PTPRU: variants seen among roughly 807,000 people sequenced by gnomAD.
PTPRU encodes the protein protein tyrosine phosphatase receptor type U, also known as receptor-type tyrosine-protein phosphatase U.
In PTPRU, 69 loss-of-function variants were observed where a neutral mutation model predicts 166.3. The observed-to-expected ratio is 0.41, with a 90% CI of 0.34 to 0.51. The LOEUF is 0.51. Ranked by LOEUF, PTPRU falls within the 20% of genes least tolerant of loss-of-function variation. The probability of loss-of-function intolerance (pLI) is 0.09; values close to 1 mark genes in which losing one functional copy is unlikely to be tolerated. For synonymous variants in PTPRU, 793 were observed against 814.0 expected (o/e 0.97, Z 0.44); for missense variants, 1,657 against 2,013.7 (o/e 0.82, Z 3.39).
At chr1:29,303,056 A>G (rs1687209307) in intron 15 of PTPRU, among the ~76,000 whole-genome samples, 1 of 152,204 alleles carries the variant, frequency 6.6e-6, no homozygotes, top group African/African-American at 2.4e-5. Context: ...CACAAAGACC[A>G]AATCACCTAA....
intron 15 of PTPRU, among the ~76,000 whole-genome samples, chr1:29,295,010 G>A (rs1369688472): frequency 6.8e-6 from 1 of 147,400 alleles, no homozygotes; most frequent in African/African-American, 2.4e-5. Context: ...CTTCATCAAG[G>A]ATGTCTTGGC....
At chr1:29,306,988 CCCGG>C (rs1687419966) in intron 18 of PTPRU, 1 of 949,928 alleles carries the variant, frequency 1.1e-6, no homozygotes, top group Non-Finnish European at 1.6e-6. Flanking sequence ...CTCAGCCCAG[CCCGG>C]CCTGCCCGTC....
Position 29,317,955 on chromosome 1 carries a change from C to A in PTPRU, c.3687+34C>A. ...TTGGGGTGGAGTGGGCTCTGGGGCT[C>A]CCCTTCCCAGCAGCATCAGGGAAGG... On this transcript the variant is annotated intron_variant, in intron 25 of 29. Transcript: ENST00000373779. The surrounding 1 kb of genome is among the most constrained non-coding windows in gnomAD (Gnocchi z 5.6). 6.2e-7 allele frequency: 1 copy of A among 1,608,582 alleles called. No homozygotes were observed. The highest frequency in any genetic ancestry group is 8.5e-7 in the Non-Finnish European group (1 of 1,177,212).
intron 15 of PTPRU, among the ~76,000 whole-genome samples, chr1:29,299,090 A>G (rs1202422877): frequency 1.3e-5 from 2 of 152,228 alleles, no homozygotes; most frequent in African/African-American, 4.8e-5. Flanking sequence ...AAGTGCCACC[A>G]CTGAGGGAGG....
chr1:29,272,781 C>T (rs1353916779), intron 7 of PTPRU, among the ~76,000 whole-genome samples: 1 of 151,584 alleles, frequency 6.6e-6, no homozygotes, highest in African/African-American at 2.4e-5. Context: ...GTGGTACGCA[C>T]CTGTAGTGCC....
intron 14 of PTPRU, among the ~76,000 whole-genome samples, chr1:29,290,839 G>T (rs994859362): frequency 2.0e-5 from 3 of 152,200 alleles, no homozygotes; most frequent in African/African-American, 7.2e-5. Context: ...AGCATTAGGT[G>T]TCCCTCCCGG....
rs766324490 is a variant in PTPRU, at chr1:29,320,833, C to A, written c.3828+8C>A. The A allele has an allele frequency of 1.3e-6, 2 of 1,561,854 alleles. No homozygotes were observed. Among genetic ancestry groups the A allele is most frequent in the Non-Finnish European group, 1.7e-6 (2 of 1,145,420 alleles). ...CAGTCCAACTCCGCCTGGGTGAGGC[C>A]TCCACTGGCCAGGCCAATGGGCCGC... On this transcript the variant is annotated splice_region_variant and intron_variant, in intron 26 of 29. Coordinates refer to ENST00000373779, the MANE Select transcript of PTPRU (RefSeq NM_133178.4). The surrounding 1 kb of genome is among the most constrained non-coding windows in gnomAD (Gnocchi z 5.2).
chr1:29,258,605 C>T lies in PTPRU; in HGVS notation c.306C>T (p.Phe102=), dbSNP rs753710925. ...LSENDTHCVQ[F]SYFLYSRDGH... is the part of the protein sequence containing the mutation. The stretch of plus-strand genomic sequence containing the variant: ...AGAATGATACCCACTGTGTGCAGTT[C>T]AGCTACTTCCTGTACAGCCGGGACG... Residue 102 remains phenylalanine (F), a synonymous_variant, in exon 3 of 30, where the codon TTC becomes TTT. Coordinates refer to ENST00000373779, the MANE Select transcript of PTPRU (RefSeq NM_133178.4). 1.9e-6 allele frequency: 3 copies of T among 1,614,272 alleles called. No individual in the cohort carries two copies. Among genetic ancestry groups the T allele is most frequent in the Admixed American group, 1.7e-5 (1 of 60,034 alleles).
Position 29,291,796 on chromosome 1 carries a change from G to T in PTPRU, c.2319-73G>T. The T allele has an allele frequency of 6.5e-7, 1 of 1,526,992 alleles. No homozygotes were observed. Among genetic ancestry groups the T allele is most frequent in the Non-Finnish European group, 8.9e-7 (1 of 1,122,098 alleles). 94.6% of individuals were successfully genotyped at this position (1,526,992 alleles called of 1,614,324 possible). A position where few individuals can be genotyped will look rare whatever the true frequency, so the allele number is the denominator to read the frequency against. On this transcript the variant is annotated intron_variant, in intron 14 of 29. Coordinates refer to ENST00000373779, the MANE Select transcript of PTPRU (RefSeq NM_133178.4). This position sits in a 1 kb window ranked among gnomAD's most constrained non-coding sequence, Gnocchi z 4.1. ...GGCCTTGAGGTCCCCTTACTCCAGG[G>T]CCTCCCCAGCCACCTCTGGGTGCTG... is the stretch of plus-strand genomic sequence containing the variant.
Position 29,311,473 on chromosome 1 carries a change from G to A in PTPRU, c.2875G>A (p.Val959Ile), listed in dbSNP as rs1201669618. The change falls in exon 20 of 30, where the codon GTC becomes ATC. Residue 959 changes from valine (V) to isoleucine (I), a missense_variant. By Grantham distance (29) the Val-to-Ile change is conservative (BLOSUM62 3). This residue lies in a region of PTPRU where 1,190 missense variants were observed against 1,477.4 expected (regional missense o/e 0.81). Coordinates refer to ENST00000373779, the MANE Select transcript of PTPRU (RefSeq NM_133178.4). This position sits in a 1 kb window ranked among gnomAD's most constrained non-coding sequence, Gnocchi z 4.1. ...IATQGPKPEM[V>I]YDFWRMVWQE... ...ATCCCCAGGGCCGAAGCCTGAGATGGTCTATGACTTCTGGCGTATGGTGTG... is the reference window on the plus strand; with the variant it reads ...ATCCCCAGGGCCGAAGCCTGAGATGATCTATGACTTCTGGCGTATGGTGTG... 6.2e-7 allele frequency: 1 copy of A among 1,614,198 alleles called. No individual in the cohort carries two copies. The highest frequency in any genetic ancestry group is 8.5e-7 in the Non-Finnish European group (1 of 1,180,028).
At chr1:29,240,590 G>GCCC (rs1684005013) in intron 1 of PTPRU, among the ~76,000 whole-genome samples, 1 of 152,114 alleles carries the variant, frequency 6.6e-6, no homozygotes, top group Non-Finnish European at 1.5e-5. Flanking sequence ...TGTCATCTGG[G>GCCC]AGCTTTGAGT....
chr1:29,318,024 C>T, intron 25 of PTPRU, 103 bp downstream of exon 25: 2 of 1,427,516 alleles, frequency 1.4e-6, no homozygotes, highest in South Asian at 1.2e-5. Context: ...GTTGGGGGGA[C>T]CCCTGCCCAT....
intron 14 of PTPRU, among the ~76,000 whole-genome samples, chr1:29,290,512 C>T (rs761924428): frequency 2.0e-5 from 3 of 152,238 alleles, no homozygotes; most frequent in Non-Finnish European, 4.4e-5. Flanking sequence ...AACATTCCTC[C>T]TGCCCCTGTG....
Position 29,236,823 on chromosome 1 carries a change from C to A in PTPRU, c.73+106C>A. On this transcript the variant is annotated intron_variant, in intron 1 of 29. Coordinates refer to ENST00000373779, the MANE Select transcript of PTPRU (RefSeq NM_133178.4). This position sits in a 1 kb window ranked among gnomAD's most constrained non-coding sequence, Gnocchi z 4.6. ...TGAGTGACCGGGCGTTACGAGCGTG[C>A]TCCCTGTGTGTGTCTGAGCGTAGGA... 3 of 1,093,982 alleles carry A rather than the reference C, an allele frequency of 2.7e-6. No homozygotes were observed. The highest frequency in any genetic ancestry group is 2.4e-6 in the Non-Finnish European group (2 of 849,728). 67.8% of individuals were successfully genotyped at this position (1,093,982 alleles called of 1,614,324 possible).
At position 29,259,909 on chromosome 1, in the gene PTPRU, C is replaced by T; in HGVS notation, c.715C>T (p.His239Tyr). 6.5e-7 allele frequency: 1 copy of T among 1,532,172 alleles called. No homozygotes were observed. Among genetic ancestry groups the T allele is most frequent in the South Asian group, 1.2e-5 (1 of 83,700 alleles). The allele number at this position is 1,532,172 out of a possible 1,614,324, so 94.9% of individuals were successfully genotyped here. A position where few individuals can be genotyped will look rare whatever the true frequency, so the allele number is the denominator to read the frequency against. Residue 239 changes from histidine (H) to tyrosine (Y), a missense_variant, in exon 6 of 30, where the codon CAC becomes TAC. Around this residue, in one of 3 missense-constraint regions of PTPRU, gnomAD observed 453 missense variants for 496.9 expected, o/e 0.91. Coordinates refer to ENST00000373779, the MANE Select transcript of PTPRU (RefSeq NM_133178.4). ...GALVPAAGVR[H>Y]ISHRRFLATF... The stretch of plus-strand genomic sequence containing the variant: ...GCTGGTGCCGGCGGCGGGCGTGCGG[C>T]ACATCAGCCACCGGCGCTTCCTGGC...
intron 1 of PTPRU, among the ~76,000 whole-genome samples, chr1:29,253,250 C>T (rs1044144838): frequency 1.3e-5 from 2 of 152,280 alleles, no homozygotes; most frequent in Middle Eastern, 6.8e-3. Context: ...CGAACCCTGT[C>T]CTTTTGGGTA....
intron 22 of PTPRU, among the ~76,000 whole-genome samples, chr1:29,313,611 T>C (rs1255351405): frequency 1.3e-5 from 2 of 152,212 alleles, no homozygotes; most frequent in African/African-American, 4.8e-5. Flanking sequence ...ATCTCAGCAC[T>C]TTGGGAAGCC....
At position 29,291,404 on chromosome 1, in the gene PTPRU, G is replaced by A. The variant is rs953465255; in HGVS notation, c.2319-465G>A. Among the ~76,000 whole-genome samples the A allele has an allele frequency of 6.6e-6, 1 of 151,688 alleles. No individual in the cohort carries two copies. The highest frequency in any genetic ancestry group is 2.4e-5 in the African/African-American group (1 of 41,148). On this transcript the variant is annotated intron_variant, in intron 14 of 29. Coordinates refer to ENST00000373779, the MANE Select transcript of PTPRU (RefSeq NM_133178.4). This position sits in a 1 kb window ranked among gnomAD's most constrained non-coding sequence, Gnocchi z 4.1. ...TCCCTCCTTCCTGCAGGAGAAGGAG[G>A]AGTCTGGAGAGTGGTCCCTGTTTAA...
Position 29,282,796 on chromosome 1 carries a change from C to T in PTPRU, c.1989C>T (p.His663=), listed in dbSNP as rs1461294257. The T allele has an allele frequency of 2.5e-6, 4 of 1,614,046 alleles. No homozygotes were observed. The African/African-American group carries it at 5.3e-5, about 22-fold the overall frequency. ...FEAALARGLV[H]YFGAELAASS... ...CGGCGCTGGCCCGAGGCCTGGTGCACTACTTCGGGGCCGAACTGGCGGCCA... is the reference window on the plus strand; with the variant it reads ...CGGCGCTGGCCCGAGGCCTGGTGCATTACTTCGGGGCCGAACTGGCGGCCA... The change falls in exon 12 of 30, where the codon CAC becomes CAT. Residue 663 remains histidine, a synonymous_variant. Coordinates refer to ENST00000373779, the MANE Select transcript of PTPRU (RefSeq NM_133178.4).
Sources: gnomAD v4.1 joint callset for allele counts (sites outside exome capture counted in the v4.1 genomes callset) on GRCh38, gnomAD v4.1.1 for gene constraint, gnomAD v4.1.1 regional missense constraint, Gnocchi (gnomAD v3.1) non-coding constraint, MANE v1.5 for transcripts, NCBI Gene and HGNC (gene_info 2026-07-23, HGNC 2026-07-21) for gene names.